Variants in TDRD12 observed in about 807,000 individuals in gnomAD.
The protein encoded by TDRD12 is putative ATP-dependent RNA helicase TDRD12.
A neutral mutation model predicts 133.5 loss-of-function variants in TDRD12; 158 were observed. The observed-to-expected ratio is 1.18, with a 90% CI of 1.04 to 1.35. The LOEUF (loss-of-function observed/expected upper bound fraction) is 1.35. Among genes scored for constraint, TDRD12 ranks in the 40% most tolerant of loss-of-function variants. The pLI, the probability that TDRD12 is intolerant of heterozygous loss-of-function variation, is 0.00. For synonymous variants in TDRD12, 460 were observed against 477.9 expected, an observed-to-expected ratio of 0.96 and a Z score of 0.49; for missense variants, 1,443 against 1,321.3, an observed-to-expected ratio of 1.09 and a Z score of -1.43.
chr19:32,751,577 C>T lies in TDRD12; in HGVS notation c.582+1708C>T, dbSNP rs184058598. On this transcript the variant is annotated intron_variant, in intron 6 of 27. Coordinates refer to ENST00000444215, the Ensembl canonical transcript of TDRD12. ...TCTCCCTTCCCTTCCCCTCTCCTTC[C>T]TTCCCCTCCCTCCCTTCCCCTCCCA... is the stretch of plus-strand genomic sequence containing the variant. Among the ~76,000 whole-genome samples, 971 of 151,332 alleles carry T rather than the reference C, an allele frequency of 6.4e-3. 8 individuals are homozygous for T. Among genetic ancestry groups the T allele is most frequent in the African/African-American group, 0.019 (787 of 41,146 alleles).
intron 6 of TDRD12, among the ~76,000 whole-genome samples, chr19:32,752,625 T>G (rs1354507461): frequency 6.6e-6 from 1 of 152,150 alleles, no homozygotes; most frequent in African/African-American, 2.4e-5. Context: ...CATTATTGCC[T>G]TGCTCACATT....
intron 27 of TDRD12, among the ~76,000 whole-genome samples, chr19:32,818,786 G>A (rs1967276353): frequency 2.6e-5 from 4 of 152,276 alleles, no homozygotes; most frequent in African/African-American, 7.2e-5. Flanking sequence ...GTGAGTAGGC[G>A]AGGGATGCGT....
At chr19:32,810,989 A>G (rs956530975) in intron 23 of TDRD12, among the ~76,000 whole-genome samples, 1 of 152,212 alleles carries the variant, frequency 6.6e-6, no homozygotes, top group East Asian at 1.9e-4. Context: ...TGTTAGATAA[A>G]AGGATTTACT....
intron 19 of TDRD12, among the ~76,000 whole-genome samples, 160 bp from the exon 20 acceptor site, chr19:32,802,496 C>T (rs1971427537): frequency 6.6e-6 from 1 of 151,990 alleles, no homozygotes. Flanking sequence ...AAGCACTGGG[C>T]TGTGGCATTT....
chr19:32,762,593 A>G (rs1188529064), intron 8 of TDRD12, among the ~76,000 whole-genome samples: 2 of 152,200 alleles, frequency 1.3e-5, no homozygotes, highest in Non-Finnish European at 2.9e-5. Context: ...AGTAGCTACC[A>G]GGTAAAACTG....
At chr19:32,761,810 C>T (rs1157432301) in intron 8 of TDRD12, among the ~76,000 whole-genome samples, 6 of 151,968 alleles carry the variant, frequency 3.9e-5, no homozygotes, top group East Asian at 1.9e-4. Flanking sequence ...CTGAGCCCCG[C>T]GAGTAGCTGG....
exon 10 of TDRD12, chr19:32,828,681 A>G (rs1967664631): frequency 6.6e-6 from 1 of 152,136 alleles, no homozygotes; most frequent in Non-Finnish European, 1.5e-5. Flanking sequence ...CACCGCTTGA[A>G]CTAGAGGTGA....
At chr19:32,805,063 T>C (rs1323715609) in intron 21 of TDRD12, among the ~76,000 whole-genome samples, 2 of 151,606 alleles carry the variant, frequency 1.3e-5, no homozygotes, top group Admixed American at 6.6e-5. Flanking sequence ...TTTGGGAGGC[T>C]GAAGTGGGAG....
downstream of TDRD12, chr19:32,826,251 C>A (rs1407368670): frequency 2.7e-6 from 4 of 1,472,368 alleles, no homozygotes; most frequent in South Asian, 1.3e-5. Flanking sequence ...TAGCTTCCAC[C>A]CACAAATAAA....
At chr19:32,827,375 T>TTCTTTC in exon 10 of TDRD12, 17 of 278,152 alleles carry the variant, frequency 6.1e-5, no homozygotes, top group Admixed American at 8.7e-5. Flanking sequence ...TTCTTTTCTT[T>TTCTTTC]TTTTTTTTTT....
At chr19:32,775,422 C>A (rs1346161104) in intron 10 of TDRD12, among the ~76,000 whole-genome samples, 1 of 152,168 alleles carries the variant, frequency 6.6e-6, no homozygotes, top group Non-Finnish European at 1.5e-5. Flanking sequence ...CCTTAAACTC[C>A]TGGGCTTAAG....
intron 1 of TDRD12, among the ~76,000 whole-genome samples, chr19:32,726,247 A>ATTTTTTTTT (rs1968856331): frequency 6.6e-6 from 1 of 151,916 alleles, no homozygotes; most frequent in East Asian, 1.9e-4. Context: ...CGCCTGGCTA[A>ATTTTTTTTT]TTTTTTGTAT....
Position 32,820,638 on chromosome 19 carries a change from A to G in TDRD12, c.3384-395A>G, listed in dbSNP as rs147285353. ...CAATAATTTCTTTTTTATGCAAAGA[A>G]TATTTCTAGAAGTGGGCCCAAACTG... On this transcript the variant is annotated intron_variant, in intron 27 of 27. Coordinates refer to ENST00000444215, the Ensembl canonical transcript of TDRD12. Among the ~76,000 whole-genome samples the G allele has an allele frequency of 9.2e-3, 1,403 of 152,316 alleles. 27 individuals carry two copies. Among genetic ancestry groups the G allele is most frequent in the African/African-American group, 0.032 (1,341 of 41,560 alleles).
At chr19:32,812,622 G>A (rs1206102362) in intron 24 of TDRD12, among the ~76,000 whole-genome samples, 2 of 152,188 alleles carry the variant, frequency 1.3e-5, no homozygotes, top group Non-Finnish European at 2.9e-5. Flanking sequence ...TGGGGATGTA[G>A]CCGTCAGCAA....
chr19:32,724,022 T>A (rs1044983304), intron 1 of TDRD12, among the ~76,000 whole-genome samples: 4 of 151,904 alleles, frequency 2.6e-5, no homozygotes, highest in East Asian at 1.9e-4. Flanking sequence ...CACTCCTGGT[T>A]AATTAAAAAA....
chr19:32,788,802 G>A (rs992909776), intron 11 of TDRD12, among the ~76,000 whole-genome samples: 3 of 152,088 alleles, frequency 2.0e-5, no homozygotes, highest in Admixed American at 6.5e-5. Context: ...TCTGGGGAGC[G>A]AGCTGCTGTG....
chr19:32,721,679 CTATTTTATTTTATTT>C lies in TDRD12; in HGVS notation c.24+1615_24+1629del, dbSNP rs58024880. Among the ~76,000 whole-genome samples, 180 of 126,244 alleles carry C rather than the reference CTATTTTATTTTATTT, an allele frequency of 1.4e-3. 2 individuals carry two copies. Among genetic ancestry groups the C allele is most frequent in the African/African-American group, 2.7e-3 (84 of 30,846 alleles). The allele number at this position is 126,244 out of a possible 152,430, so 82.8% of individuals were successfully genotyped here. On this transcript the variant is annotated intron_variant, in intron 1 of 27. Coordinates refer to ENST00000444215, the Ensembl canonical transcript of TDRD12. ...ACAGGCGTGAGCCACCGTGCCTGGC[CTATTTTATTTTATTT>C]TATTTTATTTTATTTTATTTTATTT...
chr19:32,720,896 G>C (rs1269135386), intron 1 of TDRD12, among the ~76,000 whole-genome samples: 2 of 136,440 alleles, frequency 1.5e-5, no homozygotes, highest in Admixed American at 8.2e-5. Flanking sequence ...CGGGTTTCAC[G>C]GGCCCTGGCG....
intron 14 of TDRD12, 82 bp from the exon 15 acceptor site, chr19:32,797,653 A>C: frequency 1.7e-6 from 1 of 572,104 alleles, no homozygotes; most frequent in South Asian, 2.4e-5. Context: ...GCTTCTGTGC[A>C]AGGAGATGTT....
Sources: allele counts gnomAD v4.1 joint callset (sites outside exome capture counted in the v4.1 genomes callset), GRCh38; gene constraint gnomAD v4.1.1; transcripts MANE v1.5; gene names NCBI Gene and HGNC (gene_info 2026-07-23, HGNC 2026-07-21).